Variants in KNDC1 observed in about 807,000 individuals in gnomAD.
KNDC1 encodes the protein kinase non-catalytic C-lobe domain containing 1.
In KNDC1, 106 loss-of-function variants were observed where a neutral mutation model predicts 172.8. That is an observed-to-expected ratio of 0.61 (90% CI 0.52 to 0.72). KNDC1 has a LOEUF of 0.72. KNDC1 is among the 30% of genes least tolerant of loss of function. The probability of loss-of-function intolerance (pLI) is 0.00; values close to 1 mark genes in which losing one functional copy is unlikely to be tolerated. For missense variants in KNDC1, 2,325 were observed against 2,394.5 expected (o/e 0.97, Z 0.61); for synonymous variants, 1,083 against 1,062.2 (o/e 1.02, Z -0.38).
intron 9 of KNDC1, among the ~76,000 whole-genome samples, chr10:133,194,619 G>A (rs1293325133): frequency 6.6e-6 from 1 of 152,158 alleles, no homozygotes; most frequent in African/African-American, 2.4e-5. Context: ...TATGCTCGTG[G>A]GGCTGTCTGC....
intron 17 of KNDC1, among the ~76,000 whole-genome samples, chr10:133,203,775 T>C (rs1428534272): frequency 1.3e-5 from 2 of 152,238 alleles, no homozygotes; most frequent in African/African-American, 2.4e-5. Context: ...ACATGTGGTG[T>C]GGATTTTAGT....
At chr10:133,165,608 C>T (rs752400416) in intron 1 of KNDC1, among the ~76,000 whole-genome samples, 3 of 152,210 alleles carry the variant, frequency 2.0e-5, no homozygotes, top group Non-Finnish European at 4.4e-5. Flanking sequence ...GGCACGTGTG[C>T]GTGGGCATGT....
At chr10:133,204,789 T>C (rs1288008992) in intron 17 of KNDC1, among the ~76,000 whole-genome samples, 1 of 152,190 alleles carries the variant, frequency 6.6e-6, no homozygotes, top group East Asian at 1.9e-4. Flanking sequence ...GGAAGCCTGG[T>C]GGACCGGCTC....
rs767068362 is a variant in KNDC1 at position 133,186,214 on chromosome 10, T to C, written c.866T>C (p.Leu289Pro). The change falls in exon 6 of 30, where the codon CTC (leucine) becomes CCC (proline). Residue 289 changes from leucine (L) to proline (P), a missense_variant. Coordinates refer to ENST00000304613, the MANE Select transcript of KNDC1 (RefSeq NM_152643.8). ...AGLVLDAERT[L>P]GELDRDALRR... The stretch of plus-strand genomic sequence containing the variant: ...CTCGTCCTGGATGCCGAGCGCACCC[T>C]CGGGGAGCTGGACAGAGACGCCCTC... 2.9e-5 allele frequency: 46 copies of C among 1,577,256 alleles called. No individual in the cohort carries two copies. Among genetic ancestry groups the C allele is most frequent in the Non-Finnish European group, 4.0e-5 (46 of 1,162,356 alleles).
At chr10:133,182,507 C>T (rs181099795) in intron 3 of KNDC1, among the ~76,000 whole-genome samples, 1 of 152,332 alleles carries the variant, frequency 6.6e-6, no homozygotes, top group Non-Finnish European at 1.5e-5. Context: ...GGTTCCTGAG[C>T]CGCTCTGCGT....
At position 133,211,328 on chromosome 10, in the gene KNDC1, A is replaced by C. The variant is rs867048466; in HGVS notation, c.3909-94A>C. The C allele has an allele frequency of 1.3e-3, 1,577 of 1,207,818 alleles. 15 individuals are homozygous for C. In the African/African-American group the frequency reaches 0.021, roughly 16 times the overall value. The allele number at this position is 1,207,818 out of a possible 1,614,324, so 74.8% of individuals were successfully genotyped here. A position where few individuals can be genotyped will look rare whatever the true frequency, so the allele number is the denominator to read the frequency against. On this transcript the variant is annotated intron_variant, in intron 21 of 29. Transcript: ENST00000304613. ...CCCTGCACACATGGAGCCTGGTCCC[A>C]CCCTGCCTCTCTGGGAGAGCCACAT...
At chr10:133,200,200 A>G (rs1168776591) in intron 15 of KNDC1, among the ~76,000 whole-genome samples, 175 bp from the exon 16 acceptor site, 1 of 152,098 alleles carries the variant, frequency 6.6e-6, no homozygotes, top group Non-Finnish European at 1.5e-5. Context: ...CAAGCAGTGA[A>G]TGACCCAGGG....
At chr10:133,184,974 C>T (rs1564883314) in intron 5 of KNDC1, among the ~76,000 whole-genome samples, 1 of 152,284 alleles carries the variant, frequency 6.6e-6, no homozygotes, top group African/African-American at 2.4e-5. Flanking sequence ...ATTCTGGTGT[C>T]TCTCAGGCCG....
At chr10:133,168,232 C>T in intron 2 of KNDC1, 22 bp from the exon 3 acceptor site, 1 of 1,611,324 alleles carries the variant, frequency 6.2e-7, no homozygotes, top group Non-Finnish European at 8.5e-7. Context: ...AGCCTTCTCT[C>T]CTTCTCTCTC....
chr10:133,187,563 C>T (rs1157117485), intron 6 of KNDC1, among the ~76,000 whole-genome samples: 3 of 152,240 alleles, frequency 2.0e-5, no homozygotes, highest in East Asian at 1.9e-4. Flanking sequence ...CGCAGTGCCC[C>T]GTCGCCCTCC....
At chr10:133,160,845 G>A (rs1852942269) in intron 1 of KNDC1, among the ~76,000 whole-genome samples, 2 of 152,248 alleles carry the variant, frequency 1.3e-5, no homozygotes, top group East Asian at 1.9e-4. Flanking sequence ...ACAGTGTGGG[G>A]GCAGCAAGGA....
At chr10:133,167,731 C>G (rs1564872505) in intron 2 of KNDC1, 152 bp downstream of exon 2, 2 of 923,214 alleles carry the variant, frequency 2.2e-6, no homozygotes, top group East Asian at 5.3e-5. Context: ...TTGGGAGGGA[C>G]TCAGGCTGGA....
chr10:133,186,727 G>A lies in KNDC1; in HGVS notation c.1326+53G>A, dbSNP rs1046701447. ...GGAGGGGTCGGCGGTCAGTGAGTCC[G>A]GGGCCGGGCCTCTCCACAGATGCAA... is the stretch of plus-strand genomic sequence containing the variant. On this transcript the variant is annotated intron_variant, in intron 6 of 29. Transcript: ENST00000304613. The A allele has an allele frequency of 1.6e-5, 21 of 1,331,182 alleles. 1 individual carries two copies. Among genetic ancestry groups the A allele is most frequent in the Admixed American group, 4.7e-5 (2 of 42,678 alleles). The allele number at this position is 1,331,182 out of a possible 1,614,324, so 82.5% of individuals were successfully genotyped here.
At chr10:133,218,746 G>C (rs1187889748) in intron 26 of KNDC1, 85 bp from the exon 27 acceptor site, 1 of 1,506,520 alleles carries the variant, frequency 6.6e-7, no homozygotes. Context: ...GTGTCTTGGA[G>C]CTGGGTGATT....
intron 6 of KNDC1, 39 bp downstream of exon 6, chr10:133,186,713 C>A: frequency 2.0e-6 from 3 of 1,473,196 alleles, no homozygotes; most frequent in Non-Finnish European, 2.7e-6. Flanking sequence ...GAGGGGTCGG[C>A]GGTCAGTGAG....
Position 133,198,748 on chromosome 10 carries a change from G to C in KNDC1, c.2240G>C (p.Gly747Ala). ...CAGGGAGCAGCCCCAGAGCCTCTTGGGGCGTCAGTGCAGCGTGACTCAGCC... is the reference window on the plus strand; with the variant it reads ...CAGGGAGCAGCCCCAGAGCCTCTTGCGGCGTCAGTGCAGCGTGACTCAGCC... ...GPQGAAPEPL[G>A]ASVQRDSAQG... Residue 747 changes from glycine to alanine, a missense_variant, in exon 14 of 30, where the codon GGG becomes GCG. By Grantham distance (60) the Gly-to-Ala change is moderately conservative. Transcript: ENST00000304613. 6.3e-7 allele frequency: 1 copy of C among 1,581,128 alleles called. No homozygotes were observed. Among genetic ancestry groups the C allele is most frequent in the Non-Finnish European group, 8.6e-7 (1 of 1,164,662 alleles).
Position 133,199,097 on chromosome 10 carries a change from C to T in KNDC1, c.2589C>T (p.Val863=). 1.2e-6 allele frequency: 2 copies of T among 1,608,688 alleles called. No individual in the cohort carries two copies. The highest frequency in any genetic ancestry group is 2.2e-5 in the South Asian group (2 of 90,448). The change falls in exon 14 of 30, where the codon GTC becomes GTT. Residue 863 remains valine (V), a synonymous_variant. Coordinates refer to ENST00000304613, the MANE Select transcript of KNDC1 (RefSeq NM_152643.8). ...GERDDQSPDS[V]PERPRPADRR... ...GTGATGACCAGAGTCCAGACAGTGT[C>T]CCAGAGAGGCCGCGGCCCGCAGACC...
At chr10:133,206,476 T>C (rs947887287) in intron 17 of KNDC1, among the ~76,000 whole-genome samples, 2 of 151,680 alleles carry the variant, frequency 1.3e-5, no homozygotes, top group African/African-American at 4.8e-5. Context: ...CACTGCCCTG[T>C]GAGCCTGGGG....
In KNDC1 at chr10:133,189,752, GT is replaced by G; in HGVS notation, c.1516del (p.Ser506ProfsTer17). 6.2e-7 allele frequency: 1 copy of G among 1,614,072 alleles called. No individual in the cohort carries two copies. The highest frequency in any genetic ancestry group is 8.5e-7 in the Non-Finnish European group (1 of 1,180,006). The stretch of plus-strand genomic sequence containing the variant: ...AAGCTCAGTCGGGTTTCTCTCTTAG[GT>G]TCCTATGACTCGTTCTTTCTGGCTC... The part of the protein sequence containing the change: ...AVLFQPPPAN[G>X]SYDSFFLAPE... On this transcript the variant is annotated frameshift_variant and splice_region_variant, in exon 9 of 30. Transcript: ENST00000304613. LOFTEE classifies it high-confidence loss of function.
Sources: allele counts gnomAD v4.1 joint callset (sites outside exome capture counted in the v4.1 genomes callset), GRCh38; gene constraint gnomAD v4.1.1; transcripts MANE v1.5; gene names NCBI Gene and HGNC (gene_info 2026-07-23, HGNC 2026-07-21).